The following CRADD variants were observed in gnomAD, a reference collection of about 807,000 sequenced individuals.
CRADD encodes the protein death domain-containing protein CRADD.
A neutral mutation model predicts 15.5 loss-of-function variants in CRADD; 9 were observed. That is an observed-to-expected ratio of 0.58 (90% CI 0.35 to 1.01). The LOEUF (loss-of-function observed/expected upper bound fraction) is 1.01. Ranked by LOEUF, CRADD falls within the 50% of genes least tolerant of loss-of-function variation. The pLI, the probability that CRADD is intolerant of heterozygous loss-of-function variation, is 0.02. For synonymous variants in CRADD, 118 were observed against 107.6 expected (o/e 1.10, Z -0.60); for missense variants, 227 against 250.3 (o/e 0.91, Z 0.63).
Position 93,685,301 on chromosome 12 carries a change from G to T in CRADD, c.298+6229G>T, listed in dbSNP as rs150837235. 2.1e-4 allele frequency among the ~76,000 whole-genome samples: 32 copies of T among 152,266 alleles called. No homozygotes were observed. In the East Asian group the frequency reaches 6.0e-3, roughly 28 times the overall value. The stretch of plus-strand genomic sequence containing the variant: ...GGAAGGGTATGAGGGAGGCAGGGAT[G>T]GGGAGGTTGGTTAATGGATACAAAA... On this transcript the variant is annotated intron_variant, in intron 2 of 2. Transcript: ENST00000332896.
chr12:93,823,070 G>A (rs1957785446), intron 2 of CRADD, among the ~76,000 whole-genome samples: 1 of 152,204 alleles, frequency 6.6e-6, no homozygotes, highest in South Asian at 2.1e-4. Flanking sequence ...CAAGGCAGGA[G>A]GATCACCAGG....
chr12:93,728,957 C>T (rs1056670630), intron 2 of CRADD, among the ~76,000 whole-genome samples: 22 of 152,254 alleles, frequency 1.4e-4, no homozygotes, highest in Non-Finnish European at 2.6e-4. Flanking sequence ...AAACCTAGTA[C>T]AGGTTCACAG....
chr12:93,847,874 G>GTA (rs1479140885), intron 2 of CRADD, among the ~76,000 whole-genome samples: 1 of 152,160 alleles, frequency 6.6e-6, no homozygotes, highest in South Asian at 2.1e-4. Context: ...TTGTGTGTGT[G>GTA]TATGTTTTCA....
chr12:93,888,358 G>A (rs1197457131), intron 2 of CRADD, among the ~76,000 whole-genome samples: 6 of 150,826 alleles, frequency 4.0e-5, no homozygotes, highest in Admixed American at 2.0e-4. Flanking sequence ...CCGGGAGGCG[G>A]AGCTTGCAGT....
intron 2 of CRADD, among the ~76,000 whole-genome samples, chr12:93,730,865 G>A (rs965627062): frequency 1.3e-4 from 20 of 151,834 alleles, no homozygotes; most frequent in African/African-American, 4.8e-4. Flanking sequence ...ACAGGCACAT[G>A]CCACCACATC....
chr12:93,831,544 G>A (rs766967875), intron 2 of CRADD, among the ~76,000 whole-genome samples: 1 of 152,230 alleles, frequency 6.6e-6, no homozygotes, highest in Non-Finnish European at 1.5e-5. Flanking sequence ...ATGTGCAGCT[G>A]CACGGGGAAT....
chr12:93,793,572 A>G (rs1957376383), intron 2 of CRADD, among the ~76,000 whole-genome samples: 2 of 152,228 alleles, frequency 1.3e-5, no homozygotes, highest in African/African-American at 4.8e-5. Context: ...AGAGCACTGT[A>G]TAACAGGGTT....
chr12:93,881,166 A>T (rs1321610123), intron 2 of CRADD, among the ~76,000 whole-genome samples: 1 of 152,214 alleles, frequency 6.6e-6, no homozygotes, highest in African/African-American at 2.4e-5. Context: ...TATGTGACAA[A>T]GTCAATCAAA....
intron 2 of CRADD, among the ~76,000 whole-genome samples, chr12:93,797,828 C>T (rs1957436411): frequency 6.6e-6 from 1 of 152,126 alleles, no homozygotes. Context: ...CCAAATGTGC[C>T]TTCAGTGTCT....
intron 2 of CRADD, among the ~76,000 whole-genome samples, chr12:93,842,791 G>A (rs866930693): frequency 3.8e-5 from 5 of 130,328 alleles, no homozygotes; most frequent in South Asian, 2.9e-4. Flanking sequence ...ATGGAGGGGC[G>A]AGAGAATAAG....
intron 2 of CRADD, among the ~76,000 whole-genome samples, chr12:93,683,643 G>A (rs1456498651): frequency 6.6e-6 from 1 of 152,218 alleles, no homozygotes; most frequent in East Asian, 1.9e-4. Context: ...GGGCTCAAGG[G>A]CTCTGCCTGC....
intron 2 of CRADD, among the ~76,000 whole-genome samples, chr12:93,838,453 C>T (rs528609342): frequency 1.3e-5 from 2 of 151,948 alleles, no homozygotes; most frequent in Admixed American, 6.5e-5. Flanking sequence ...ATGTTGTCAG[C>T]CCCAGGGGTA....
intron 2 of CRADD, among the ~76,000 whole-genome samples, chr12:93,823,236 G>A (rs1304689255): frequency 6.6e-6 from 1 of 151,142 alleles, no homozygotes; most frequent in Non-Finnish European, 1.5e-5. Context: ...AAGTTGCAGT[G>A]AGCCAAGATT....
Position 93,856,778 on chromosome 12 carries a change from G to C in CRADD, c.299-37272G>C, listed in dbSNP as rs911638911. Among the ~76,000 whole-genome samples, 6 of 152,278 alleles carry C rather than the reference G, an allele frequency of 3.9e-5. No individual in the cohort carries two copies. The East Asian group carries it at 9.6e-4, about 24-fold the overall frequency. On this transcript the variant is annotated intron_variant, in intron 2 of 2. Coordinates refer to the CRADD transcript ENST00000548483. ...TAATCCACAGTGGGATCAAGATCAGGCTTCAAGTTTTAGGTATTAGGCATA... is the reference window on the plus strand; with the variant it reads ...TAATCCACAGTGGGATCAAGATCAGCCTTCAAGTTTTAGGTATTAGGCATA...
intron 2 of CRADD, among the ~76,000 whole-genome samples, chr12:93,723,057 G>A (rs917890325): frequency 1.3e-5 from 2 of 152,198 alleles, no homozygotes; most frequent in Non-Finnish European, 2.9e-5. Context: ...TAACCTAACT[G>A]ACTCCATGTT....
At chr12:93,754,551 C>A (rs1156555937) in intron 2 of CRADD, among the ~76,000 whole-genome samples, 1 of 152,202 alleles carries the variant, frequency 6.6e-6, no homozygotes, top group Non-Finnish European at 1.5e-5. Flanking sequence ...TCATCTCTCT[C>A]AAGTTCAAAG....
chr12:93,887,111 T>C (rs1421523456), intron 2 of CRADD, among the ~76,000 whole-genome samples: 2 of 152,238 alleles, frequency 1.3e-5, no homozygotes, highest in Admixed American at 1.3e-4. Flanking sequence ...CAGTGCATTT[T>C]GAATCTGCTA....
chr12:93,753,029 C>T (rs1185257165), intron 2 of CRADD, among the ~76,000 whole-genome samples: 1 of 152,154 alleles, frequency 6.6e-6, no homozygotes, highest in Non-Finnish European at 1.5e-5. Flanking sequence ...CCCCGTAATT[C>T]AACCACCTCC....
At chr12:93,783,228 G>A (rs1957232032) in intron 2 of CRADD, among the ~76,000 whole-genome samples, 1 of 139,378 alleles carries the variant, frequency 7.2e-6, no homozygotes. Context: ...ACAGGTATAG[G>A]TATTATTATT....
Sources: allele counts gnomAD v4.1 joint callset (sites outside exome capture counted in the v4.1 genomes callset), GRCh38; gene constraint gnomAD v4.1.1; transcripts MANE v1.5; gene names NCBI Gene and HGNC (gene_info 2026-07-23, HGNC 2026-07-21).